GNPTAB: variants seen among roughly 807,000 people sequenced by gnomAD.
GNPTAB encodes N-acetylglucosamine-1-phosphate transferase subunits alpha and beta, also known as N-acetylglucosamine-1-phosphotransferase subunits alpha/beta.
Under a neutral mutation model 136.6 loss-of-function variants are expected in GNPTAB, and 92 were observed. The observed-to-expected ratio is 0.67, with a 90% CI of 0.57 to 0.80. GNPTAB has a LOEUF of 0.80. Ranked by LOEUF, GNPTAB falls within the 30% of genes least tolerant of loss-of-function variation. The pLI, the probability that GNPTAB is intolerant of heterozygous loss-of-function variation, is 0.00. For missense variants in GNPTAB, 1,343 were observed against 1,501.8 expected (o/e 0.89, Z 1.75); for synonymous variants, 512 against 535.1 (o/e 0.96, Z 0.60).
intron 1 of GNPTAB, among the ~76,000 whole-genome samples, chr12:101,825,948 C>T (rs992089139): frequency 1.3e-5 from 2 of 152,194 alleles, no homozygotes; most frequent in African/African-American, 4.8e-5. Flanking sequence ...GCAGGCCAGA[C>T]GGTCCCCACT....
rs558394507 is a variant in GNPTAB, at chr12:101,783,920, G to A, written c.571+2092C>T. Among the ~76,000 whole-genome samples the A allele has an allele frequency of 7.9e-5, 12 of 151,296 alleles. No individual in the cohort carries two copies. In the South Asian group the frequency reaches 1.9e-3, roughly 24 times the overall value. On this transcript the variant is annotated intron_variant, in intron 5 of 20. Coordinates refer to ENST00000299314, the MANE Select transcript of GNPTAB (RefSeq NM_024312.5). The stretch of plus-strand genomic sequence containing the variant: ...TTTTGTAGAGACAGGGTTTTGCCAT[G>A]TTACCAAGTCTGGTTTTGAACTCCT...
intron 9 of GNPTAB, 45 bp downstream of exon 9, chr12:101,770,361 C>G (rs1953152229): frequency 6.8e-7 from 1 of 1,462,060 alleles, no homozygotes; most frequent in African/African-American, 1.4e-5. Flanking sequence ...ACTAAAAGAG[C>G]AGAATTAGAA....
intron 10 of GNPTAB, 87 bp downstream of exon 10, chr12:101,769,932 GAT>G: frequency 7.9e-7 from 1 of 1,267,280 alleles, no homozygotes; most frequent in Non-Finnish European, 1.1e-6. Context: ...TGTCTGGCCT[GAT>G]ATTTGACTAC....
intron 5 of GNPTAB, chr12:101,785,655 A>G: frequency 9.1e-6 from 2 of 219,402 alleles, no homozygotes; most frequent in Admixed American, 5.4e-5. Context: ...TAAAGAATCA[A>G]TACTCCAGGT....
intron 1 of GNPTAB, among the ~76,000 whole-genome samples, chr12:101,801,259 A>G (rs1301140027): frequency 2.0e-5 from 3 of 146,468 alleles, no homozygotes; most frequent in African/African-American, 7.6e-5. Context: ...AAAAAAAAAA[A>G]GGCCAGGCAT....
chr12:101,817,282 T>C (rs990291772), intron 1 of GNPTAB, among the ~76,000 whole-genome samples: 3 of 149,516 alleles, frequency 2.0e-5, no homozygotes, highest in Non-Finnish European at 3.0e-5. Context: ...TTTTTTTTTT[T>C]TTTTTGAGAC....
chr12:101,825,391 A>C (rs187128730), intron 1 of GNPTAB, among the ~76,000 whole-genome samples: 28 of 152,368 alleles, frequency 1.8e-4, no homozygotes, highest in Admixed American at 1.2e-3. Flanking sequence ...ACATTTGAGA[A>C]ATAAAAGGGA....
At chr12:101,753,757 T>C (rs1487132522) in intron 18 of GNPTAB, among the ~76,000 whole-genome samples, 2 of 152,228 alleles carry the variant, frequency 1.3e-5, no homozygotes, top group Non-Finnish European at 2.9e-5. Flanking sequence ...CTTTTAGCTA[T>C]GGGAGTAAAT....
chr12:101,786,345 T>A, intron 4 of GNPTAB, 128 bp from the exon 5 acceptor site: 1 of 775,766 alleles, frequency 1.3e-6, no homozygotes, highest in Non-Finnish European at 2.1e-6. Flanking sequence ...TTTTAACAAA[T>A]GAAGACTTTT....
chr12:101,826,164 T>C (rs1053059915), intron 1 of GNPTAB, among the ~76,000 whole-genome samples: 6 of 152,078 alleles, frequency 3.9e-5, no homozygotes, highest in African/African-American at 1.4e-4. Flanking sequence ...TCACAGAAAA[T>C]AACTCATTGA....
At chr12:101,806,572 T>C (rs911990140) in intron 1 of GNPTAB, among the ~76,000 whole-genome samples, 2 of 152,218 alleles carry the variant, frequency 1.3e-5, no homozygotes, top group African/African-American at 4.8e-5. Flanking sequence ...ATGTTATATA[T>C]GTTTAACCAC....
intron 1 of GNPTAB, among the ~76,000 whole-genome samples, chr12:101,812,178 G>A (rs1327754275): frequency 6.6e-6 from 1 of 152,146 alleles, no homozygotes; most frequent in East Asian, 1.9e-4. Context: ...CCAGAAGGCA[G>A]AGAGAGGTTG....
chr12:101,764,784 G>T lies in GNPTAB; in HGVS notation c.2133C>A (p.Leu711=). ...SLLPKDAQLS[L]NTLDLQLEHG... ...GTTCCAGTTGCAAATCCAAGGTATT[G>T]AGACTCAACTGGGCGTCTTTTGGAA... The change falls in exon 13 of 21, where the codon CTC becomes CTA. Residue 711 remains leucine (L), a synonymous_variant. Transcript: ENST00000299314. 1 of 1,614,196 alleles carries T rather than the reference G, an allele frequency of 6.2e-7. No homozygotes were observed. Among genetic ancestry groups the T allele is most frequent in the Non-Finnish European group, 8.5e-7 (1 of 1,180,028 alleles).
At chr12:101,822,929 C>T (rs1175202663) in intron 1 of GNPTAB, among the ~76,000 whole-genome samples, 1 of 152,194 alleles carries the variant, frequency 6.6e-6, no homozygotes, top group Non-Finnish European at 1.5e-5. Flanking sequence ...CTTATCTATT[C>T]TTCTTCCATA....
At chr12:101,762,420 T>C (rs947945235) in intron 13 of GNPTAB, among the ~76,000 whole-genome samples, 2 of 152,150 alleles carry the variant, frequency 1.3e-5, no homozygotes, top group Non-Finnish European at 2.9e-5. Context: ...AAATATGAAG[T>C]GGTGCAACAT....
At position 101,757,115 on chromosome 12, in the gene GNPTAB, T is replaced by C; in HGVS notation, c.3434+97A>G. 3 of 714,266 alleles carry C rather than the reference T, an allele frequency of 4.2e-6. No individual in the cohort carries two copies. In the Admixed American group the frequency reaches 7.0e-5, roughly 17 times the overall value. The allele number at this position is 714,266 out of a possible 1,614,324, so 44.2% of individuals were successfully genotyped here. ...AACACTGCCTGCACTGTTAGGCCTT[T>C]TGGTCTGTTCCATACAGAAATAAGC... On this transcript the variant is annotated intron_variant, in intron 18 of 20. Coordinates refer to ENST00000299314, the MANE Select transcript of GNPTAB (RefSeq NM_024312.5).
At chr12:101,777,101 C>T (rs1040825234) in intron 7 of GNPTAB, among the ~76,000 whole-genome samples, 6 of 152,228 alleles carry the variant, frequency 3.9e-5, no homozygotes, top group Admixed American at 1.3e-4. Flanking sequence ...GAAAGGTCCA[C>T]CTCCCCTTTC....
chr12:101,787,612 T>G (rs1868729525), intron 4 of GNPTAB, among the ~76,000 whole-genome samples: 1 of 152,166 alleles, frequency 6.6e-6, no homozygotes, highest in Non-Finnish European at 1.5e-5. Flanking sequence ...ACATAAAAGA[T>G]AGCTTAGAAG....
chr12:101,794,472 G>T (rs1407634393), intron 2 of GNPTAB, among the ~76,000 whole-genome samples: 1 of 151,584 alleles, frequency 6.6e-6, no homozygotes. Context: ...AATACAGCAA[G>T]ACCCCATCTC....
Sources: allele counts gnomAD v4.1 joint callset (sites outside exome capture counted in the v4.1 genomes callset), GRCh38; gene constraint gnomAD v4.1.1; transcripts MANE v1.5; gene names NCBI Gene and HGNC (gene_info 2026-07-23, HGNC 2026-07-21).